Variants in ZNF512B observed in about 807,000 individuals in gnomAD.
ZNF512B encodes zinc finger protein 512B.
Under a neutral mutation model 87.8 loss-of-function variants are expected in ZNF512B, and 22 were observed. The observed-to-expected ratio is 0.25, with a 90% CI of 0.18 to 0.36. The LOEUF (loss-of-function observed/expected upper bound fraction) is 0.36, where lower values mean the gene tolerates loss of function less well. Ranked by LOEUF, ZNF512B falls within the 10% of genes least tolerant of loss-of-function variation. ZNF512B has a pLI of 1.00. For missense variants in ZNF512B, 1,060 were observed against 1,231.6 expected (o/e 0.86, Z 2.09); for synonymous variants, 524 against 490.9 (o/e 1.07, Z -0.89).
rs1453714273 is a variant in ZNF512B, at chr20:63,959,822, G to C, written c.*66C>G. ...AGAACTGGAGGACAGAGGTCCCGGAGCTGGCCCTGCCTTGAACAGAGGGCG... is the reference window on the plus strand; with the variant it reads ...AGAACTGGAGGACAGAGGTCCCGGACCTGGCCCTGCCTTGAACAGAGGGCG... On this transcript the variant is annotated 3_prime_UTR_variant, in exon 17 of 17. Coordinates refer to ENST00000369888, the MANE Select transcript of ZNF512B (RefSeq NM_020713.3). 1 of 1,504,568 alleles carries C rather than the reference G, an allele frequency of 6.6e-7. No individual in the cohort carries two copies. The highest frequency in any genetic ancestry group is 8.8e-7 in the Non-Finnish European group (1 of 1,136,884). 93.2% of individuals were successfully genotyped at this position (1,504,568 alleles called of 1,614,324 possible). A position where few individuals can be genotyped will look rare whatever the true frequency, so the allele number is the denominator to read the frequency against.
chr20:63,963,583 G>A (rs2058881899), intron 10 of ZNF512B, 35 bp downstream of exon 10: 5 of 1,611,224 alleles, frequency 3.1e-6, no homozygotes, highest in Non-Finnish European at 4.2e-6. Context: ...GAGGTCAGAG[G>A]TCACGCTGGA....
intron 3 of ZNF512B, 75 bp from the exon 4 acceptor site, chr20:63,967,079 GC>G (rs1181046301): frequency 1.0e-5 from 16 of 1,591,990 alleles, no homozygotes; most frequent in Admixed American, 1.7e-5. Context: ...CAGACTCAGA[GC>G]CCCCCCGGGC....
At chr20:63,960,200 A>C in intron 16 of ZNF512B, 61 bp from the exon 17 acceptor site, 1 of 1,596,690 alleles carries the variant, frequency 6.3e-7, no homozygotes, top group Non-Finnish European at 8.5e-7. Flanking sequence ...TGAGCCAGGC[A>C]TAGCCTGAGA....
Position 63,963,838 on chromosome 20 carries a change from G to A in ZNF512B, c.1556C>T (p.Thr519Ile), listed in dbSNP as rs2058887590. ...CTTAAGCCCCACGAGAGTCTTCCGGGTGACCACGTTGCAGGTGGGGCAGAC... is the reference window on the plus strand; with the variant it reads ...CTTAAGCCCCACGAGAGTCTTCCGGATGACCACGTTGCAGGTGGGGCAGAC... ...EAVCPTCNVV[T>I]RKTLVGLKKH... Residue 519 changes from threonine to isoleucine, a missense_variant, in exon 9 of 17, where the codon ACC becomes ATC. Physicochemically the swap from Thr to Ile is moderately conservative, Grantham distance 89. This residue lies in a region of ZNF512B where 37 missense variants were observed against 72.6 expected (regional missense o/e 0.51). Coordinates refer to ENST00000369888, the MANE Select transcript of ZNF512B (RefSeq NM_020713.3). The A allele has an allele frequency of 6.2e-6, 10 of 1,612,752 alleles. No individual in the cohort carries two copies. Among genetic ancestry groups the A allele is most frequent in the Admixed American group, 1.7e-5 (1 of 60,012 alleles).
chr20:63,960,429 T>G (rs1467503556), intron 16 of ZNF512B, among the ~76,000 whole-genome samples: 1 of 142,520 alleles, frequency 7.0e-6, no homozygotes, highest in African/African-American at 2.6e-5. Context: ...GCAGCAGGGC[T>G]GGACACAGCC....
At chr20:63,963,501 CG>C in intron 10 of ZNF512B, 61 bp from the exon 11 acceptor site, 1 of 1,553,516 alleles carries the variant, frequency 6.4e-7, no homozygotes, top group Non-Finnish European at 8.7e-7. Flanking sequence ...GCCCTGGCCC[CG>C]CCCCGCCCAG....
rs1379567351 is a variant in ZNF512B at position 63,961,051 on chromosome 20, C to T, written c.2427+258G>A. ...CACAGCCTTCGGGACCAGGCAAGCA[C>T]CTGCAGCAGGGCTGCTGGGGGCTGG... On this transcript the variant is annotated intron_variant, in intron 16 of 16. Coordinates refer to ENST00000369888, the MANE Select transcript of ZNF512B (RefSeq NM_020713.3). The surrounding 1 kb of genome is among the most constrained non-coding windows in gnomAD (Gnocchi z 6.4). 1.3e-5 allele frequency among the ~76,000 whole-genome samples: 2 copies of T among 152,192 alleles called. No homozygotes were observed. Among genetic ancestry groups the T allele is most frequent in the African/African-American group, 4.8e-5 (2 of 41,446 alleles).
chr20:63,957,263 T>A lies in ZNF512B; in HGVS notation c.*2625A>T, dbSNP rs2058748440. 1 of 152,640 alleles carries A rather than the reference T, an allele frequency of 6.6e-6. No individual in the cohort carries two copies. The highest frequency in any genetic ancestry group is 1.5e-5 in the Non-Finnish European group (1 of 68,056). The allele number at this position is 152,640 out of a possible 1,614,324, so 9.5% of individuals were successfully genotyped here. On this transcript the variant is annotated 3_prime_UTR_variant, in exon 17 of 17. Transcript: ENST00000369888. ...GAGTCAGCCCTTCCGGGCCCTTTCC[T>A]GTTCTCAGGGCAGGGGGCGTGCGCT...
intron 6 of ZNF512B, 36 bp downstream of exon 6, chr20:63,964,454 C>G (rs6010701): frequency 1.9e-6 from 3 of 1,613,448 alleles, no homozygotes; most frequent in Admixed American, 3.3e-5. Context: ...GAGGCCGAGC[C>G]TGCCCCGGCC....
rs776677636 is a variant in ZNF512B at position 63,960,085 on chromosome 20, A to G, written c.2482T>C (p.Leu828=). ...PPPKHRSQDS[L]VPKKEKKKNL... ...TTCTTCTTTTCCTTCTTGGGCACCA[A>G]TGAGTCCTGGCTCCTGTGTTTGGGA... Residue 828 remains leucine, a synonymous_variant, in exon 17 of 17, where the codon TTG becomes CTG. Coordinates refer to ENST00000369888, the MANE Select transcript of ZNF512B (RefSeq NM_020713.3). 14 of 1,613,852 alleles carry G rather than the reference A, an allele frequency of 8.7e-6. No homozygotes were observed. The highest frequency in any genetic ancestry group is 6.7e-5 in the East Asian group (3 of 44,904).
intron 3 of ZNF512B, 93 bp from the exon 4 acceptor site, chr20:63,967,097 G>A: frequency 6.4e-7 from 1 of 1,562,862 alleles, no homozygotes; most frequent in East Asian, 2.2e-5. Flanking sequence ...GGGCCTGCAG[G>A]GCACACACAC....
In ZNF512B at chr20:63,964,416, G is replaced by A. The variant is rs764367039; in HGVS notation, c.1262-25C>T. The A allele has an allele frequency of 5.0e-6, 8 of 1,613,666 alleles. No individual in the cohort carries two copies. In the South Asian group the frequency reaches 7.7e-5, roughly 16 times the overall value. ...CCTGACTCGGGGAGAGAAAACGGGGGCCAAGATTCTGGTGAAATAACCGTC... is the reference window on the plus strand; with the variant it reads ...CCTGACTCGGGGAGAGAAAACGGGGACCAAGATTCTGGTGAAATAACCGTC... On this transcript the variant is annotated intron_variant, in intron 6 of 16. Transcript: ENST00000369888.
rs1238425160 is a variant in ZNF512B, at chr20:63,961,159, A to G, written c.2427+150T>C. The G allele has an allele frequency of 9.9e-6, 7 of 707,992 alleles. No individual in the cohort carries two copies. Among genetic ancestry groups the G allele is most frequent in the African/African-American group, 1.8e-5 (1 of 56,848 alleles). The allele number at this position is 707,992 out of a possible 1,614,324, so 43.9% of individuals were successfully genotyped here. ...AGGGAAGCCAGACCCCACTTTGAGG[A>G]GAAACTACCAGATTTCTCCACATTG... On this transcript the variant is annotated intron_variant, in intron 16 of 16. Transcript: ENST00000369888. The surrounding 1 kb of genome is among the most constrained non-coding windows in gnomAD (Gnocchi z 6.4).
chr20:63,963,111 G>C lies in ZNF512B; in HGVS notation c.1952C>G (p.Ser651Trp). 1.3e-6 allele frequency: 2 copies of C among 1,559,250 alleles called. No individual in the cohort carries two copies. Among genetic ancestry groups the C allele is most frequent in the South Asian group, 2.3e-5 (2 of 85,706 alleles). The part of the protein sequence containing the change: ...SKAGHDYHVR[S>W]EHTAPPPEEP... ...GCCACTCACGGGGGCCGTGTGCTCCGAGCGCACGTGGTAGTCGTGGCCAGC... is the reference window on the plus strand; with the variant it reads ...GCCACTCACGGGGGCCGTGTGCTCCCAGCGCACGTGGTAGTCGTGGCCAGC... The change falls in exon 12 of 17, where the codon TCG (serine) becomes TGG (tryptophan). Residue 651 changes from serine to tryptophan, a missense_variant. Physicochemically the swap from Ser to Trp is radical, Grantham distance 177. Around this residue, in one of 9 missense-constraint regions of ZNF512B, gnomAD observed 165 missense variants for 173.0 expected, o/e 0.95. Transcript: ENST00000369888.
intron 13 of ZNF512B, 33 bp from the exon 14 acceptor site, chr20:63,962,407 G>T: frequency 6.3e-7 from 1 of 1,592,708 alleles, no homozygotes. Context: ...GTGAGCCTGA[G>T]GCCAGAAGAC....
chr20:63,967,668 A>G (rs1478010404), intron 2 of ZNF512B, 145 bp from the exon 3 acceptor site: 1 of 1,477,904 alleles, frequency 6.8e-7, no homozygotes, highest in Non-Finnish European at 9.0e-7. Context: ...AGAACCCAGG[A>G]CCCTGGGCTA....
intron 3 of ZNF512B, 50 bp from the exon 4 acceptor site, chr20:63,967,054 T>G (rs776102195): frequency 1.2e-6 from 2 of 1,607,656 alleles, no homozygotes; most frequent in Non-Finnish European, 1.7e-6. Context: ...CCTGGGCCAC[T>G]GCCAGCCCGA....
chr20:63,962,251 C>G (rs759049002), intron 14 of ZNF512B, 22 bp downstream of exon 14: 25 of 1,594,118 alleles, frequency 1.6e-5, no homozygotes, highest in Admixed American at 5.1e-5. Context: ...CCCACGCCCC[C>G]CACCCGGCTG....
chr20:63,962,843 G>A lies in ZNF512B; in HGVS notation c.1969-62C>T, dbSNP rs140293631. The A allele has an allele frequency of 3.7e-3, 5,449 of 1,471,178 alleles. 15 individuals carry two copies. Among genetic ancestry groups the A allele is most frequent in the Non-Finnish European group, 4.3e-3 (4,760 of 1,104,184 alleles). The allele number at this position is 1,471,178 out of a possible 1,614,324, so 91.1% of individuals were successfully genotyped here. A position where few individuals can be genotyped will look rare whatever the true frequency, so the allele number is the denominator to read the frequency against. ...GCGGGAGCAAGAGTCAGGTCAGCGC[G>A]CGGCGAGGCCACCCTAAGGCCGGTG... On this transcript the variant is annotated intron_variant, in intron 12 of 16. Transcript: ENST00000369888.
Sources: allele counts gnomAD v4.1 joint callset (sites outside exome capture counted in the v4.1 genomes callset), GRCh38; gene constraint gnomAD v4.1.1; regional missense constraint gnomAD v4.1.1; non-coding constraint Gnocchi (gnomAD v3.1); transcripts MANE v1.5; gene names NCBI Gene and HGNC (gene_info 2026-07-23, HGNC 2026-07-21).